Variants in TXNDC16 observed in about 807,000 individuals in gnomAD.
The protein encoded by TXNDC16 is thioredoxin domain containing 16, also known as thioredoxin domain-containing protein 16.
Under a neutral mutation model 85.6 loss-of-function variants are expected in TXNDC16, and 74 were observed. The observed-to-expected ratio is 0.86, with a 90% CI of 0.72 to 1.05. TXNDC16 has a LOEUF of 1.05. TXNDC16 is among the 50% of genes least tolerant of loss of function. The pLI is 0.00. For missense variants in TXNDC16, 959 were observed against 947.0 expected (o/e 1.01, Z -0.17); for synonymous variants, 335 against 326.5 (o/e 1.03, Z -0.28).
chr14:52,455,804 A>C (rs2035519307), intron 17 of TXNDC16, among the ~76,000 whole-genome samples: 6 of 152,214 alleles, frequency 3.9e-5, no homozygotes, highest in Admixed American at 3.3e-4. Context: ...AATGCTGAGT[A>C]AGAAAATGGG....
intron 16 of TXNDC16, among the ~76,000 whole-genome samples, chr14:52,469,356 A>C (rs903514204): frequency 3.3e-5 from 5 of 152,058 alleles, no homozygotes; most frequent in African/African-American, 1.2e-4. Context: ...CAAAAAAAAA[A>C]ACAAAAAACA....
intron 19 of TXNDC16, among the ~76,000 whole-genome samples, chr14:52,439,615 A>G (rs1194587511): frequency 2.6e-5 from 4 of 152,170 alleles, no homozygotes; most frequent in Non-Finnish European, 5.9e-5. Context: ...TTGGGAGAAA[A>G]GCGGCAGCCA....
rs2037750652 is a variant in TXNDC16 at position 52,538,362 on chromosome 14, GC to G, written c.244-691del. Among the ~76,000 whole-genome samples the G allele has an allele frequency of 2.6e-5, 4 of 152,160 alleles. No individual in the cohort carries two copies. The South Asian group carries it at 8.3e-4, about 31-fold the overall frequency. ...GAACTAAGTCAATGATGATGTCAGA[GC>G]AGCCATACCAGCCCTGGATAGCTTA... On this transcript the variant is annotated intron_variant, in intron 4 of 20. Transcript: ENST00000281741.
At chr14:52,467,465 T>C (rs899954093) in intron 16 of TXNDC16, among the ~76,000 whole-genome samples, 2 of 152,094 alleles carry the variant, frequency 1.3e-5, no homozygotes, top group African/African-American at 2.4e-5. Flanking sequence ...AAAGAATATA[T>C]ACAAATGACC....
rs547859891 is a variant in TXNDC16, at chr14:52,505,787, G to A, written c.756+5453C>T. ...AAAAAAATCAATGAATCCAGGAGCTGGTTTTTTGAAAAGATCAACAAAACT... is the reference window on the plus strand; with the variant it reads ...AAAAAAATCAATGAATCCAGGAGCTAGTTTTTTGAAAAGATCAACAAAACT... On this transcript the variant is annotated intron_variant, in intron 9 of 20. Coordinates refer to ENST00000281741, the MANE Select transcript of TXNDC16 (RefSeq NM_020784.3). Among the ~76,000 whole-genome samples, 19 of 152,178 alleles carry A rather than the reference G, an allele frequency of 1.2e-4. No individual in the cohort carries two copies. In the South Asian group the frequency reaches 3.9e-3, roughly 32 times the overall value.
Position 52,432,044 on chromosome 14 carries a change from A to C in TXNDC16, c.*260T>G. On this transcript the variant is annotated 3_prime_UTR_variant, in exon 21 of 21. Transcript: ENST00000281741. ...GACTTGGTACAAAAAAGGATGTAAA[A>C]TATCTCATTAATAATTTCTATATTT... 3.2e-6 allele frequency: 1 copy of C among 311,222 alleles called. No individual in the cohort carries two copies. The highest frequency in any genetic ancestry group is 4.8e-5 in the Admixed American group (1 of 20,776). 19.3% of individuals were successfully genotyped at this position (311,222 alleles called of 1,614,324 possible).
At chr14:52,462,489 A>AT (rs35623613) in intron 16 of TXNDC16, among the ~76,000 whole-genome samples, 1 of 152,090 alleles carries the variant, frequency 6.6e-6, no homozygotes, top group Non-Finnish European at 1.5e-5. Flanking sequence ...TAATTTTTGT[A>AT]TTTTTAGTAG....
At chr14:52,505,026 G>C (rs539325819) in intron 9 of TXNDC16, among the ~76,000 whole-genome samples, 8 of 152,072 alleles carry the variant, frequency 5.3e-5, no homozygotes, top group African/African-American at 1.7e-4. Context: ...GCTAACTATC[G>C]TAAATATATA....
chr14:52,482,558 AAT>A (rs1425789124), intron 13 of TXNDC16, among the ~76,000 whole-genome samples: 9 of 151,996 alleles, frequency 5.9e-5, no homozygotes, highest in Non-Finnish European at 4.4e-5. Context: ...AATAACTGTT[AAT>A]ATGTTAAAAA....
intron 8 of TXNDC16, among the ~76,000 whole-genome samples, chr14:52,513,726 G>T (rs2037011566): frequency 6.6e-6 from 1 of 151,310 alleles, no homozygotes; most frequent in Non-Finnish European, 1.5e-5. Context: ...TACTGAACAG[G>T]ATGTGTAAGG....
rs2036374872 is a variant in TXNDC16, at chr14:52,490,459, A to G, written c.924-8T>C. The G allele has an allele frequency of 1.3e-6, 2 of 1,593,564 alleles. No homozygotes were observed. Among genetic ancestry groups the G allele is most frequent in the Non-Finnish European group, 1.7e-6 (2 of 1,172,004 alleles). On this transcript the variant is annotated splice_polypyrimidine_tract_variant and splice_region_variant and intron_variant, in intron 10 of 20. Transcript: ENST00000281741. ...TTCACTTCCAAAGAGTCCCTTTTTCAAAATGGAAATAAATGTTTTATGTTG... is the reference window on the plus strand; with the variant it reads ...TTCACTTCCAAAGAGTCCCTTTTTCGAAATGGAAATAAATGTTTTATGTTG...
intron 16 of TXNDC16, among the ~76,000 whole-genome samples, chr14:52,458,663 T>G (rs1457390486): frequency 6.6e-6 from 1 of 152,232 alleles, no homozygotes; most frequent in African/African-American, 2.4e-5. Flanking sequence ...AAGGACTGTG[T>G]GTCTGTACTT....
At chr14:52,551,611 A>C (rs1393844018) in intron 1 of TXNDC16, among the ~76,000 whole-genome samples, 3 of 152,182 alleles carry the variant, frequency 2.0e-5, no homozygotes, top group Non-Finnish European at 4.4e-5. Flanking sequence ...AAGAAAACAA[A>C]TTATTTCCTT....
At chr14:52,549,847 C>A (rs1260968433) in intron 1 of TXNDC16, among the ~76,000 whole-genome samples, 1 of 152,086 alleles carries the variant, frequency 6.6e-6, no homozygotes, top group African/African-American at 2.4e-5. Flanking sequence ...CTGTGTTAGC[C>A]AAGATGGTCT....
intron 10 of TXNDC16, 45 bp from the exon 11 acceptor site, chr14:52,490,496 A>G: frequency 4.3e-6 from 6 of 1,403,788 alleles, no homozygotes; most frequent in Non-Finnish European, 4.9e-6. Flanking sequence ...TAATCTGAAG[A>G]ATAATAGTCA....
intron 16 of TXNDC16, among the ~76,000 whole-genome samples, chr14:52,464,533 C>G (rs2035726985): frequency 6.6e-6 from 1 of 152,154 alleles, no homozygotes; most frequent in South Asian, 2.1e-4. Flanking sequence ...AGGACACTGT[C>G]AACCGTTGGA....
At chr14:52,475,758 G>C (rs1459472797) in intron 14 of TXNDC16, among the ~76,000 whole-genome samples, 1 of 152,044 alleles carries the variant, frequency 6.6e-6, no homozygotes, top group East Asian at 1.9e-4. Flanking sequence ...AAGACAAAGG[G>C]CATATACTCT....
intron 16 of TXNDC16, among the ~76,000 whole-genome samples, chr14:52,466,190 G>C (rs2035768431): frequency 6.6e-6 from 1 of 151,000 alleles, no homozygotes; most frequent in African/African-American, 2.4e-5. Flanking sequence ...ATGAAACCAT[G>C]GCATACAAAG....
At chr14:52,493,216 T>TATATATATATATATATAC in intron 9 of TXNDC16, among the ~76,000 whole-genome samples, 130 of 115,924 alleles carry the variant, frequency 1.1e-3, no homozygotes, top group African/African-American at 4.3e-3. Flanking sequence ...TATATATATA[T>TATATATATATATATATAC]ACACACACAC....
Sources: allele counts gnomAD v4.1 joint callset (sites outside exome capture counted in the v4.1 genomes callset), GRCh38; gene constraint gnomAD v4.1.1; transcripts MANE v1.5; gene names NCBI Gene and HGNC (gene_info 2026-07-23, HGNC 2026-07-21).